The following GDAP1 variants were observed in gnomAD, a reference collection of about 807,000 sequenced individuals.
GDAP1 encodes the protein ganglioside induced differentiation associated protein 1.
GDAP1 carries 34 observed loss-of-function variants against 40.1 expected under a neutral mutation model. The ratio of observed to expected loss-of-function variants is 0.85; its 90% CI spans 0.64 to 1.13. The LOEUF (loss-of-function observed/expected upper bound fraction) is 1.13. Ranked by LOEUF, GDAP1 falls within the 50% of genes most tolerant of loss-of-function variation. The pLI, the probability that GDAP1 is intolerant of heterozygous loss-of-function variation, is 0.00. For synonymous variants in GDAP1, 170 were observed against 157.4 expected (o/e 1.08, Z -0.60); for missense variants, 374 against 433.7 (o/e 0.86, Z 1.22).
Position 74,366,251 on chromosome 8 carries a change from T to C in GDAP1, c.*1884T>C. On this transcript the variant is annotated 3_prime_UTR_variant, in exon 6 of 6. Transcript: ENST00000220822. ...TTCATGGATACTTGAGTTTGTGCTT[T>C]TAAGGTGTTTGTTTAGGGATACAAT... The C allele has an allele frequency of 2.2e-6, 1 of 454,338 alleles. No individual in the cohort carries two copies. The highest frequency in any genetic ancestry group is 2.4e-5 in the Admixed American group (1 of 42,528). The allele number at this position is 454,338 out of a possible 1,614,324, so 28.1% of individuals were successfully genotyped here. A position where few individuals can be genotyped will look rare whatever the true frequency, so the allele number is the denominator to read the frequency against.
Position 74,365,940 on chromosome 8 carries a change from C to T in GDAP1, c.*1573C>T, listed in dbSNP as rs1809611318. 1 of 453,004 alleles carries T rather than the reference C, an allele frequency of 2.2e-6. No homozygotes were observed. Among genetic ancestry groups the T allele is most frequent in the Non-Finnish European group, 4.4e-6 (1 of 226,566 alleles). The allele number at this position is 453,004 out of a possible 1,614,324, so 28.1% of individuals were successfully genotyped here. A position where few individuals can be genotyped will look rare whatever the true frequency, so the allele number is the denominator to read the frequency against. ...ATACCAATCCATGTATTCATTAGAGCCATAGAAGTTATTATTCATTAGTTC... is the reference window on the plus strand; with the variant it reads ...ATACCAATCCATGTATTCATTAGAGTCATAGAAGTTATTATTCATTAGTTC... On this transcript the variant is annotated 3_prime_UTR_variant, in exon 6 of 6. Transcript: ENST00000220822.
intron 2 of GDAP1, among the ~76,000 whole-genome samples, chr8:74,423,339 TAATA>T (rs1212243595): frequency 6.8e-6 from 1 of 147,312 alleles, no homozygotes. Context: ...TATTATAGTA[TAATA>T]AATTATAAAT....
chr8:74,354,931 G>A (rs943353944), intron 2 of GDAP1, among the ~76,000 whole-genome samples: 1 of 152,226 alleles, frequency 6.6e-6, no homozygotes, highest in African/African-American at 2.4e-5. Context: ...ACAGAATGTA[G>A]TGAACCAGTA....
chr8:74,418,176 G>GA, intron 2 of GDAP1, among the ~76,000 whole-genome samples: 1 of 152,196 alleles, frequency 6.6e-6, no homozygotes, highest in East Asian at 1.9e-4. Flanking sequence ...TGTAGATATA[G>GA]ATAAGCTTGT....
At chr8:74,448,433 G>A (rs562475935) in intron 2 of GDAP1, among the ~76,000 whole-genome samples, 53 of 152,232 alleles carry the variant, frequency 3.5e-4, no homozygotes, top group Non-Finnish European at 5.9e-4. Context: ...AGTTTTGAAA[G>A]AAAGCTGTGA....
Position 74,379,443 on chromosome 8 carries a change from A to G in GDAP1, c.165+28122A>G, listed in dbSNP as rs189614906. Among the ~76,000 whole-genome samples the G allele has an allele frequency of 1.6e-4, 25 of 152,224 alleles. 1 individual carries two copies. The highest frequency in any genetic ancestry group is 4.6e-4 in the Admixed American group (7 of 15,294). On this transcript the variant is annotated intron_variant, in intron 2 of 2. Coordinates refer to the GDAP1 transcript ENST00000523640. ...ACCTGTTTAGACCTTCTAAAACCCA[A>G]TGGTTCATGGTGGATGATTGTATTA... is the stretch of plus-strand genomic sequence containing the variant.
chr8:74,362,681 C>A (rs1397851293), intron 4 of GDAP1, among the ~76,000 whole-genome samples: 2 of 151,480 alleles, frequency 1.3e-5, no homozygotes, highest in Non-Finnish European at 2.9e-5. Flanking sequence ...TCTTTGCCTT[C>A]TGTGGTCATC....
chr8:74,366,493 A>C lies in GDAP1; in HGVS notation c.*2126A>C. On this transcript the variant is annotated 3_prime_UTR_variant, in exon 6 of 6. Transcript: ENST00000220822. ...GGGATTACAGTATCACACAATGTCA[A>C]GCTAGAGTTAAACACAGTATTAGCT... is the stretch of plus-strand genomic sequence containing the variant. The C allele has an allele frequency of 2.2e-6, 1 of 454,486 alleles. No individual in the cohort carries two copies. Among genetic ancestry groups the C allele is most frequent in the Non-Finnish European group, 4.4e-6 (1 of 226,740 alleles). 28.2% of individuals were successfully genotyped at this position (454,486 alleles called of 1,614,324 possible).
At position 74,362,103 on chromosome 8, in the gene GDAP1, C is replaced by T; in HGVS notation, c.579+125C>T. On this transcript the variant is annotated intron_variant, in intron 4 of 5. Coordinates refer to ENST00000220822, the MANE Select transcript of GDAP1 (RefSeq NM_018972.4). ...TTGCAGTTCACCAGTACACATGTTACCTTTGGCTTATGTTCTCCTTTTAGA... is the reference window on the plus strand; with the variant it reads ...TTGCAGTTCACCAGTACACATGTTATCTTTGGCTTATGTTCTCCTTTTAGA... 6 of 695,504 alleles carry T rather than the reference C, an allele frequency of 8.6e-6. No individual in the cohort carries two copies. In the South Asian group the frequency reaches 9.3e-5, roughly 11 times the overall value. The allele number at this position is 695,504 out of a possible 1,614,324, so 43.1% of individuals were successfully genotyped here.
At chr8:74,352,910 G>T (rs1381532171) in intron 2 of GDAP1, among the ~76,000 whole-genome samples, 2 of 152,060 alleles carry the variant, frequency 1.3e-5, no homozygotes, top group South Asian at 2.1e-4. Flanking sequence ...TATTCTAAAT[G>T]GAAAATCCCA....
intron 2 of GDAP1, among the ~76,000 whole-genome samples, chr8:74,448,702 T>G (rs1193529906): frequency 6.6e-6 from 1 of 152,062 alleles, no homozygotes; most frequent in Non-Finnish European, 1.5e-5. Context: ...GAGAACCTTT[T>G]CATGTGCTTA....
chr8:74,403,162 A>G (rs1185160868), intron 2 of GDAP1, among the ~76,000 whole-genome samples: 1 of 150,114 alleles, frequency 6.7e-6, no homozygotes, highest in Non-Finnish European at 1.5e-5. Context: ...TATTTGGCCT[A>G]TTAAAAACAT....
intron 2 of GDAP1, among the ~76,000 whole-genome samples, chr8:74,424,875 A>G (rs149719880): frequency 5.5e-4 from 84 of 152,308 alleles, no homozygotes; most frequent in African/African-American, 2.0e-3. Context: ...CCACTAACAA[A>G]TACAGTGTTT....
In GDAP1 at chr8:74,365,011, G is replaced by A. The variant is rs913538379; in HGVS notation, c.*644G>A. The A allele has an allele frequency of 2.2e-6, 1 of 454,078 alleles. No homozygotes were observed. The highest frequency in any genetic ancestry group is 4.4e-6 in the Non-Finnish European group (1 of 226,794). 28.1% of individuals were successfully genotyped at this position (454,078 alleles called of 1,614,324 possible). On this transcript the variant is annotated 3_prime_UTR_variant, in exon 6 of 6. Transcript: ENST00000220822. The stretch of plus-strand genomic sequence containing the variant: ...GCAATTTGAATTACCAAGTGGTAAT[G>A]GTTCCTTACTGTTTTAGATGGTGCC...
chr8:74,402,445 G>A (rs1182861674), intron 2 of GDAP1, among the ~76,000 whole-genome samples: 2 of 150,364 alleles, frequency 1.3e-5, no homozygotes, highest in Non-Finnish European at 2.9e-5. Flanking sequence ...CGATTTTCCA[G>A]GTGCCGTCTG....
chr8:74,480,870 T>A (rs1806702536), intron 2 of GDAP1, among the ~76,000 whole-genome samples: 1 of 152,210 alleles, frequency 6.6e-6, no homozygotes, highest in Non-Finnish European at 1.5e-5. Context: ...ATATTTGTTT[T>A]AAGCCATTCA....
At chr8:74,427,156 C>G (rs1805958153) in intron 2 of GDAP1, among the ~76,000 whole-genome samples, 1 of 152,122 alleles carries the variant, frequency 6.6e-6, no homozygotes, top group Non-Finnish European at 1.5e-5. Context: ...GTGAAGAAGC[C>G]TGTATTGGCC....
intron 2 of GDAP1, among the ~76,000 whole-genome samples, chr8:74,484,445 C>T (rs185773699): frequency 1.9e-4 from 29 of 152,180 alleles, no homozygotes; most frequent in African/African-American, 6.3e-4. Context: ...CTAAGGATAT[C>T]GGAAAATAAT....
At chr8:74,390,389 T>A (rs1810089390) in intron 2 of GDAP1, among the ~76,000 whole-genome samples, 2 of 152,308 alleles carry the variant, frequency 1.3e-5, no homozygotes, top group African/African-American at 4.8e-5. Context: ...TTTTTGTTGA[T>A]GTTGATGCTA....
Sources: gnomAD v4.1 joint callset for allele counts (sites outside exome capture counted in the v4.1 genomes callset) on GRCh38, gnomAD v4.1.1 for gene constraint, MANE v1.5 for transcripts, NCBI Gene and HGNC (gene_info 2026-07-23, HGNC 2026-07-21) for gene names.